BRMS1L: variants seen among roughly 807,000 people sequenced by gnomAD.
BRMS1L encodes the protein breast cancer metastasis-suppressor 1-like protein.
BRMS1L carries 23 observed loss-of-function variants against 50.3 expected under a neutral mutation model. The observed-to-expected ratio is 0.46, with a 90% CI of 0.33 to 0.65. The LOEUF is 0.65. Ranked by LOEUF, BRMS1L falls within the 30% of genes least tolerant of loss-of-function variation. The pLI, the probability that BRMS1L is intolerant of heterozygous loss-of-function variation, is 0.02. For missense variants in BRMS1L, 286 were observed against 386.1 expected (o/e 0.74, Z 2.17); for synonymous variants, 114 against 126.9 (o/e 0.90, Z 0.69).
chr14:35,852,083 C>A (rs2078218595), intron 4 of BRMS1L, among the ~76,000 whole-genome samples: 1 of 152,116 alleles, frequency 6.6e-6, no homozygotes, highest in African/African-American at 2.4e-5. Context: ...TTCTCTTGCT[C>A]AACATTATTT....
At chr14:35,826,908 C>T (rs1027210686) in intron 1 of BRMS1L, 1 of 513,694 alleles carries the variant, frequency 1.9e-6, no homozygotes, top group Middle Eastern at 5.2e-4. Flanking sequence ...GGTCCTGCCC[C>T]CGGTGGTGCT....
chr14:35,841,998 C>CTTTTTTTTTT (rs574267347), intron 4 of BRMS1L, among the ~76,000 whole-genome samples: 3 of 112,218 alleles, frequency 2.7e-5, no homozygotes, highest in African/African-American at 1.1e-4. Context: ...GCAATCTCTG[C>CTTTTTTTTTT]TTTTTTTTTT....
intron 1 of BRMS1L, 161 bp downstream of exon 1, chr14:35,826,819 T>A: frequency 9.5e-7 from 1 of 1,051,050 alleles, no homozygotes; most frequent in Non-Finnish European, 1.3e-6. Flanking sequence ...GACCGGTCGC[T>A]GGGCGCTGTC....
chr14:35,864,056 A>G, intron 6 of BRMS1L, 103 bp downstream of exon 6: 1 of 844,402 alleles, frequency 1.2e-6, no homozygotes, highest in Non-Finnish European at 1.9e-6. Flanking sequence ...TATTTGCATG[A>G]TCCTGTAATA....
chr14:35,851,328 G>T (rs1044650505), intron 4 of BRMS1L, among the ~76,000 whole-genome samples: 21 of 147,992 alleles, frequency 1.4e-4, no homozygotes, highest in African/African-American at 5.0e-4. Context: ...GAATGAGGAA[G>T]ATTTCTATGA....
At chr14:35,854,973 C>A (rs186014034) in intron 4 of BRMS1L, among the ~76,000 whole-genome samples, 1 of 152,148 alleles carries the variant, frequency 6.6e-6, no homozygotes, top group Admixed American at 6.6e-5. Flanking sequence ...AAAAACTTTT[C>A]CCCCCCTCTT....
chr14:35,835,272 T>C (rs1369378766), intron 4 of BRMS1L, among the ~76,000 whole-genome samples: 1 of 152,236 alleles, frequency 6.6e-6, no homozygotes, highest in Non-Finnish European at 1.5e-5. Flanking sequence ...GCAGTTAGGA[T>C]GTTGGGCTAT....
intron 9 of BRMS1L, among the ~76,000 whole-genome samples, chr14:35,868,278 T>C (rs1162779308): frequency 2.6e-5 from 4 of 152,228 alleles, no homozygotes; most frequent in Non-Finnish European, 5.9e-5. Context: ...TTTAGCCAGG[T>C]AGCTGATCCT....
At chr14:35,860,634 A>C (rs1015466418) in intron 4 of BRMS1L, among the ~76,000 whole-genome samples, 2 of 151,926 alleles carry the variant, frequency 1.3e-5, no homozygotes, top group African/African-American at 4.8e-5. Flanking sequence ...CTCTGATAAT[A>C]GCCTATGAAA....
chr14:35,841,444 G>A (rs2078061875), intron 4 of BRMS1L, among the ~76,000 whole-genome samples: 2 of 151,950 alleles, frequency 1.3e-5, no homozygotes, highest in South Asian at 4.2e-4. Flanking sequence ...GACTACAGGT[G>A]CCTGCCACCA....
intron 4 of BRMS1L, among the ~76,000 whole-genome samples, chr14:35,835,799 T>C (rs1043020715): frequency 1.3e-5 from 2 of 152,198 alleles, no homozygotes; most frequent in African/African-American, 4.8e-5. Context: ...GAGCTGTGAT[T>C]GTGCCACTGT....
At chr14:35,848,234 C>T (rs1054429752) in intron 4 of BRMS1L, among the ~76,000 whole-genome samples, 13 of 152,078 alleles carry the variant, frequency 8.5e-5, no homozygotes, top group African/African-American at 2.9e-4. Context: ...ATGATTAAGT[C>T]GAGTTAATTA....
rs190108445 is a variant in BRMS1L at position 35,868,783 on chromosome 14, C to T, written c.854+751C>T. 4.2e-3 allele frequency among the ~76,000 whole-genome samples: 645 copies of T among 152,096 alleles called. 3 individuals are homozygous for T. Among genetic ancestry groups the T allele is most frequent in the African/African-American group, 0.015 (623 of 41,508 alleles). ...ACAGAGTGAGACCTTGTCTCTCTAACAACAACAACAACAAACAACAACAAC... is the reference window on the plus strand; with the variant it reads ...ACAGAGTGAGACCTTGTCTCTCTAATAACAACAACAACAAACAACAACAAC... On this transcript the variant is annotated intron_variant, in intron 9 of 9. Transcript: ENST00000216807.
chr14:35,869,821 C>T (rs1017019479), intron 9 of BRMS1L, among the ~76,000 whole-genome samples: 5 of 151,004 alleles, frequency 3.3e-5, no homozygotes, highest in African/African-American at 9.8e-5. Context: ...ATTCCAGCCT[C>T]GGCGACAGAG....
At chr14:35,837,654 G>T (rs2078011801) in intron 4 of BRMS1L, among the ~76,000 whole-genome samples, 1 of 151,942 alleles carries the variant, frequency 6.6e-6, no homozygotes, top group Admixed American at 6.6e-5. Context: ...GAGTTCAAGC[G>T]ATTCTCCTGC....
At chr14:35,837,170 G>C (rs957862196) in intron 4 of BRMS1L, among the ~76,000 whole-genome samples, 1 of 152,004 alleles carries the variant, frequency 6.6e-6, no homozygotes, top group African/African-American at 2.4e-5. Flanking sequence ...CAGGAGAATT[G>C]CTTGAACCCA....
intron 4 of BRMS1L, among the ~76,000 whole-genome samples, chr14:35,849,973 C>G (rs1446925952): frequency 6.6e-6 from 1 of 151,806 alleles, no homozygotes; most frequent in Non-Finnish European, 1.5e-5. Context: ...GCATGTGCCA[C>G]CAGGCCTGGC....
chr14:35,840,128 C>T (rs1398827749), intron 4 of BRMS1L, among the ~76,000 whole-genome samples: 1 of 152,130 alleles, frequency 6.6e-6, no homozygotes, highest in East Asian at 1.9e-4. Flanking sequence ...TTGAGATAAT[C>T]ATGTGGTTTT....
intron 8 of BRMS1L, among the ~76,000 whole-genome samples, chr14:35,866,839 C>G (rs1246450561): frequency 6.6e-6 from 1 of 152,194 alleles, no homozygotes; most frequent in Non-Finnish European, 1.5e-5. Flanking sequence ...TGGTTCTTAA[C>G]ATTTTTGGGT....
Sources: gnomAD v4.1 joint callset for allele counts (sites outside exome capture counted in the v4.1 genomes callset) on GRCh38, gnomAD v4.1.1 for gene constraint, MANE v1.5 for transcripts, NCBI Gene and HGNC (gene_info 2026-07-23, HGNC 2026-07-21) for gene names.